BCAS3: variants seen among roughly 807,000 people sequenced by gnomAD.
The protein encoded by BCAS3 is BCAS3 microtubule associated cell migration factor.
A neutral mutation model predicts 116.1 loss-of-function variants in BCAS3; 53 were observed. The observed-to-expected ratio is 0.46, with a 90% CI of 0.37 to 0.57. The LOEUF (loss-of-function observed/expected upper bound fraction) is 0.57, where lower values mean the gene tolerates loss of function less well. BCAS3 is among the 20% of genes least tolerant of loss of function. The pLI, the probability that BCAS3 is intolerant of heterozygous loss-of-function variation, is 0.00. For synonymous variants in BCAS3, 391 were observed against 408.2 expected (o/e 0.96, Z 0.51); for missense variants, 917 against 1,165.4 (o/e 0.79, Z 3.10).
chr17:61,217,398 A>G lies in BCAS3; in HGVS notation c.2425+132834A>G, dbSNP rs776917201. Among the ~76,000 whole-genome samples, 2 of 152,232 alleles carry G rather than the reference A, an allele frequency of 1.3e-5. No individual in the cohort carries two copies. Among genetic ancestry groups the G allele is most frequent in the Non-Finnish European group, 2.9e-5 (2 of 68,030 alleles). Reference sequence around the variant, plus strand: ...AAGAATAGATTATTTCCCCAGCTGGATGATTTCCAGTCCTTACAATGGTTT... The same window carrying G: ...AAGAATAGATTATTTCCCCAGCTGGGTGATTTCCAGTCCTTACAATGGTTT... On this transcript the variant is annotated intron_variant, in intron 22 of 23. Transcript: ENST00000407086. This position sits in a 1 kb window ranked among gnomAD's most constrained non-coding sequence, Gnocchi z 5.2.
intron 10 of BCAS3, among the ~76,000 whole-genome samples, chr17:60,901,261 T>G (rs542738037): frequency 3.3e-5 from 5 of 152,174 alleles, no homozygotes; most frequent in East Asian, 3.9e-4. Context: ...TGTTGTTGTT[T>G]TTTACATATT....
At chr17:60,921,727 C>T (rs1212759444) in intron 12 of BCAS3, among the ~76,000 whole-genome samples, 1 of 151,428 alleles carries the variant, frequency 6.6e-6, no homozygotes, top group Non-Finnish European at 1.5e-5. Flanking sequence ...GTATGGGTTC[C>T]TATTGGGTAC....
At chr17:61,264,835 ATC>A (rs1215088787) in intron 22 of BCAS3, among the ~76,000 whole-genome samples, 1 of 152,244 alleles carries the variant, frequency 6.6e-6, no homozygotes, top group Non-Finnish European at 1.5e-5. Flanking sequence ...TTTCAGCCCT[ATC>A]TCTAATATCT....
In BCAS3 at chr17:61,072,589, G is replaced by T. The variant is rs2071540581; in HGVS notation, c.2030-2331G>T. Among the ~76,000 whole-genome samples, 4 of 149,914 alleles carry T rather than the reference G, an allele frequency of 2.7e-5. No individual in the cohort carries two copies. In the Admixed American group the frequency reaches 2.7e-4, roughly 10 times the overall value. ...AAACTTTTGGAGAAATTCACATTAG[G>T]TACTAGCTAGTTACGTAAGGCATGG... is the stretch of plus-strand genomic sequence containing the variant. On this transcript the variant is annotated intron_variant, in intron 19 of 23. Coordinates refer to ENST00000407086, the MANE Select transcript of BCAS3 (RefSeq NM_017679.5).
At chr17:60,765,813 G>A (rs997218522) in intron 6 of BCAS3, among the ~76,000 whole-genome samples, 3 of 152,020 alleles carry the variant, frequency 2.0e-5, no homozygotes, top group African/African-American at 7.2e-5. Flanking sequence ...TTCTCCTGTC[G>A]CTTTCAGATA....
chr17:60,912,802 A>C (rs116227648), intron 12 of BCAS3, among the ~76,000 whole-genome samples: 1,626 of 152,166 alleles, frequency 0.011, 40 homozygotes, highest in African/African-American at 0.038. Context: ...CTACAAGGCC[A>C]CCCACATTTA....
Position 61,295,124 on chromosome 17 carries a change from G to A in BCAS3, c.2426-73203G>A, listed in dbSNP as rs537210704. Among the ~76,000 whole-genome samples the A allele has an allele frequency of 2.6e-5, 4 of 152,268 alleles. No homozygotes were observed. The East Asian group carries it at 7.7e-4, about 29-fold the overall frequency. ...CTTGATTGGAGATGTGCTGTCCCGA[G>A]GCTTCTCTCTAAGCCCTTGGAGGGT... On this transcript the variant is annotated intron_variant, in intron 22 of 23. Transcript: ENST00000407086.
rs16944744 is a variant in BCAS3 at position 61,026,362 on chromosome 17, C to G, written c.1638-8304C>G. Among the ~76,000 whole-genome samples, 10,652 of 152,030 alleles carry G rather than the reference C, an allele frequency of 0.07. 1,123 individuals carry two copies. Among genetic ancestry groups the G allele is most frequent in the African/African-American group, 0.23 (9,516 of 41,490 alleles). On this transcript the variant is annotated intron_variant, in intron 16 of 23. Coordinates refer to ENST00000407086, the MANE Select transcript of BCAS3 (RefSeq NM_017679.5). The surrounding 1 kb of genome is among the most constrained non-coding windows in gnomAD (Gnocchi z 5.0). ...GACCAACAATATACAATTCAACTTA[C>G]GACAAATAAGCAGCTTGAAAAATAT...
rs1294271829 is a variant in BCAS3 at position 61,362,231 on chromosome 17, A to G, written c.2426-6096A>G. ...GCTTGCCAAGGAGGCTCCCCTCTAC[A>G]CTGGTTCCCCTCATCATGCCTGGGA... is the stretch of plus-strand genomic sequence containing the variant. On this transcript the variant is annotated intron_variant, in intron 22 of 23. Coordinates refer to ENST00000407086, the MANE Select transcript of BCAS3 (RefSeq NM_017679.5). This position sits in a 1 kb window ranked among gnomAD's most constrained non-coding sequence, Gnocchi z 4.4. 1.3e-5 allele frequency among the ~76,000 whole-genome samples: 2 copies of G among 152,212 alleles called. No homozygotes were observed. Among genetic ancestry groups the G allele is most frequent in the East Asian group, 1.9e-4 (1 of 5,200 alleles).
Position 61,040,785 on chromosome 17 carries a change from T to A in BCAS3, c.1929-7T>A, listed in dbSNP as rs773329551. ...TAAATATTAATATTCTTCTCCTGTTTCCTTAGAACCCCTCAATGGAATGAA... is the reference window on the plus strand; with the variant it reads ...TAAATATTAATATTCTTCTCCTGTTACCTTAGAACCCCTCAATGGAATGAA... On this transcript the variant is annotated splice_polypyrimidine_tract_variant and splice_region_variant and intron_variant, in intron 18 of 23. Coordinates refer to ENST00000407086, the MANE Select transcript of BCAS3 (RefSeq NM_017679.5). 1 of 1,609,330 alleles carries A rather than the reference T, an allele frequency of 6.2e-7. No individual in the cohort carries two copies. The highest frequency in any genetic ancestry group is 8.5e-7 in the Non-Finnish European group (1 of 1,175,752).
At chr17:60,932,490 C>T (rs1386409128) in intron 13 of BCAS3, among the ~76,000 whole-genome samples, 1 of 152,004 alleles carries the variant, frequency 6.6e-6, no homozygotes, top group African/African-American at 2.4e-5. Context: ...GCCTGTAATC[C>T]CAGCACTTTG....
At position 61,104,041 on chromosome 17, in the gene BCAS3, T is replaced by G. The variant is rs965559815; in HGVS notation, c.2425+19477T>G. On this transcript the variant is annotated intron_variant, in intron 22 of 23. Transcript: ENST00000407086. The surrounding 1 kb of genome is among the most constrained non-coding windows in gnomAD (Gnocchi z 4.1). The stretch of plus-strand genomic sequence containing the variant: ...ATCTTTAAACCAAAGCTTTATAGCC[T>G]ATTAGAAGCACAGTGTGGATTTTTC... Among the ~76,000 whole-genome samples, 51 of 152,220 alleles carry G rather than the reference T, an allele frequency of 3.4e-4. No individual in the cohort carries two copies. Among genetic ancestry groups the G allele is most frequent in the African/African-American group, 1.2e-3 (51 of 41,444 alleles).
rs906846853 is a variant in BCAS3, at chr17:61,077,584, G to A, written c.2131-749G>A. On this transcript the variant is annotated intron_variant, in intron 20 of 23. Coordinates refer to ENST00000407086, the MANE Select transcript of BCAS3 (RefSeq NM_017679.5). This position sits in a 1 kb window ranked among gnomAD's most constrained non-coding sequence, Gnocchi z 4.3. ...ACATTCCCTATCCCCCCCATTGAGC[G>A]TGAAATTCATAAAGCATTTTGGTAT... Among the ~76,000 whole-genome samples, 5 of 152,058 alleles carry A rather than the reference G, an allele frequency of 3.3e-5. No individual in the cohort carries two copies. Among genetic ancestry groups the A allele is most frequent in the Non-Finnish European group, 7.4e-5 (5 of 68,008 alleles).
Position 61,368,448 on chromosome 17 carries a change from C to T in BCAS3, c.2547C>T (p.Asp849=), listed in dbSNP as rs762903199. 14 of 1,611,962 alleles carry T rather than the reference C, an allele frequency of 8.7e-6. No homozygotes were observed. Among genetic ancestry groups the T allele is most frequent in the African/African-American group, 8.0e-5 (6 of 75,028 alleles). The change falls in exon 23 of 24, where the codon GAC becomes GAT. Residue 849 remains aspartate, a synonymous_variant. Transcript: ENST00000407086. The surrounding 1 kb of genome is among the most constrained non-coding windows in gnomAD (Gnocchi z 6.0). ...AGGGCCTCCGGGAGCGACTTGCCGACGCCATGGCCGAGTCACCTAGCCGGG... is the reference window on the plus strand; with the variant it reads ...AGGGCCTCCGGGAGCGACTTGCCGATGCCATGGCCGAGTCACCTAGCCGGG... ...TEEGLRERLA[D]AMAESPSRDV... is the part of the protein sequence containing the mutation.
chr17:60,870,853 C>T (rs1272784423), intron 8 of BCAS3, among the ~76,000 whole-genome samples: 1 of 152,208 alleles, frequency 6.6e-6, no homozygotes, highest in Non-Finnish European at 1.5e-5. Flanking sequence ...TGAATTCTAA[C>T]TCTAACCATG....
intron 22 of BCAS3, among the ~76,000 whole-genome samples, chr17:61,125,707 A>C (rs972024832): frequency 6.6e-6 from 1 of 152,186 alleles, no homozygotes; most frequent in African/African-American, 2.4e-5. Flanking sequence ...CAAGATGGGA[A>C]TGTATAGATA....
chr17:61,082,576 A>G lies in BCAS3; in HGVS notation c.2328-1891A>G, dbSNP rs1024328966. ...AGGAGTTGTATTAGCCCACATAGGA[A>G]GTTGTTTAGACTAGAAGGGGGCATA... On this transcript the variant is annotated intron_variant, in intron 21 of 23. Coordinates refer to ENST00000407086, the MANE Select transcript of BCAS3 (RefSeq NM_017679.5). The surrounding 1 kb of genome is among the most constrained non-coding windows in gnomAD (Gnocchi z 5.1). Among the ~76,000 whole-genome samples the G allele has an allele frequency of 2.6e-5, 4 of 152,172 alleles. No individual in the cohort carries two copies. The highest frequency in any genetic ancestry group is 9.6e-5 in the African/African-American group (4 of 41,452).
intron 16 of BCAS3, among the ~76,000 whole-genome samples, chr17:61,018,358 A>G (rs1245665422): frequency 7.4e-6 from 1 of 135,534 alleles, no homozygotes; most frequent in Non-Finnish European, 1.5e-5. Flanking sequence ...CTGGAGTGCA[A>G]TGGTGCGATC....
chr17:60,957,155 C>A (rs76734150), intron 14 of BCAS3, among the ~76,000 whole-genome samples: 4,468 of 152,204 alleles, frequency 0.029, 229 homozygotes, highest in African/African-American at 0.099. Context: ...AGACTCAAGT[C>A]ATTTTTGTAC....
Sources: gnomAD v4.1 joint callset for allele counts (sites outside exome capture counted in the v4.1 genomes callset) on GRCh38, gnomAD v4.1.1 for gene constraint, Gnocchi (gnomAD v3.1) non-coding constraint, MANE v1.5 for transcripts, NCBI Gene and HGNC (gene_info 2026-07-23, HGNC 2026-07-21) for gene names.